Variants in PCDH7 observed in about 807,000 individuals in gnomAD.
The protein encoded by PCDH7 is protocadherin-7.
PCDH7 carries 17 observed loss-of-function variants against 58.9 expected under a neutral mutation model. That is an observed-to-expected ratio of 0.29 (90% CI 0.20 to 0.43). The LOEUF (loss-of-function observed/expected upper bound fraction) is 0.43, where lower values mean the gene tolerates loss of function less well. Among genes scored for constraint, PCDH7 ranks in the 20% least tolerant of loss-of-function variants. The pLI is 1.00. For synonymous variants in PCDH7, 664 were observed against 616.4 expected, an observed-to-expected ratio of 1.08 and a Z score of -1.14; for missense variants, 1,274 against 1,441.0, an observed-to-expected ratio of 0.88 and a Z score of 1.88.
intron 3 of PCDH7, among the ~76,000 whole-genome samples, chr4:31,023,207 C>A (rs1754167298): frequency 6.6e-6 from 1 of 152,184 alleles, no homozygotes; most frequent in South Asian, 2.1e-4. Flanking sequence ...AAAGTACAGT[C>A]TTTGACTCTC....
intron 3 of PCDH7, among the ~76,000 whole-genome samples, chr4:30,970,495 A>G (rs1398036803): frequency 6.6e-6 from 1 of 151,852 alleles, no homozygotes; most frequent in East Asian, 1.9e-4. Flanking sequence ...AGGTTTCACC[A>G]TGTTAAACAG....
chr4:30,818,451 T>C (rs2109319407), intron 1 of PCDH7, among the ~76,000 whole-genome samples: 1 of 152,282 alleles, frequency 6.6e-6, no homozygotes, highest in East Asian at 1.9e-4. Context: ...CTCCATAATA[T>C]GGGACTAGTT....
intron 3 of PCDH7, among the ~76,000 whole-genome samples, chr4:31,093,934 G>T (rs1025524573): frequency 6.6e-6 from 1 of 152,006 alleles, no homozygotes; most frequent in Non-Finnish European, 1.5e-5. Context: ...CTTAATAACT[G>T]GAATTTGTAA....
intron 3 of PCDH7, among the ~76,000 whole-genome samples, chr4:31,003,210 A>G: frequency 6.6e-6 from 1 of 151,938 alleles, no homozygotes; most frequent in African/African-American, 2.4e-5. Context: ...TAACTTTTGG[A>G]TTCTTTCTTC....
chr4:30,929,479 A>G (rs1481898922), intron 2 of PCDH7, among the ~76,000 whole-genome samples: 2 of 152,194 alleles, frequency 1.3e-5, no homozygotes, highest in African/African-American at 4.8e-5. Flanking sequence ...TAAGTTCGTT[A>G]TAAGAATGAG....
intron 3 of PCDH7, among the ~76,000 whole-genome samples, chr4:31,119,881 C>CGT (rs1434156309): frequency 6.6e-6 from 1 of 151,692 alleles, no homozygotes; most frequent in Non-Finnish European, 1.5e-5. Flanking sequence ...CCTCTTAGTG[C>CGT]GTGTGTGTGG....
chr4:30,751,275 A>G (rs1176219707), intron 1 of PCDH7, among the ~76,000 whole-genome samples: 1 of 152,210 alleles, frequency 6.6e-6, no homozygotes, highest in Non-Finnish European at 1.5e-5. Flanking sequence ...GTGCATATTT[A>G]TTTGAGTGAG....
chr4:30,822,332 C>A (rs1728476042), intron 1 of PCDH7, among the ~76,000 whole-genome samples: 1 of 152,128 alleles, frequency 6.6e-6, no homozygotes, highest in Non-Finnish European at 1.5e-5. Flanking sequence ...TATTAGAGTG[C>A]AGGCCAGCGA....
intron 1 of PCDH7, among the ~76,000 whole-genome samples, chr4:30,823,469 A>T (rs990016695): frequency 2.0e-5 from 3 of 152,210 alleles, no homozygotes; most frequent in African/African-American, 4.8e-5. Flanking sequence ...TTTCTGCTAG[A>T]CCTGTCCTTA....
At chr4:30,848,198 CA>C (rs1732241672) in intron 1 of PCDH7, among the ~76,000 whole-genome samples, 1 of 152,068 alleles carries the variant, frequency 6.6e-6, no homozygotes, top group Admixed American at 6.6e-5. Context: ...ATAGCATCGG[CA>C]ATCTGAAATC....
chr4:31,142,570 T>G (rs1265215566), exon 4 of PCDH7: 1 of 1,367,750 alleles, frequency 7.3e-7, no homozygotes, highest in East Asian at 4.6e-5. Flanking sequence ...CGGTCCGCAC[T>G]TCTCCGGAGA....
At chr4:30,850,711 C>T (rs1005075117) in intron 1 of PCDH7, among the ~76,000 whole-genome samples, 25 of 152,168 alleles carry the variant, frequency 1.6e-4, no homozygotes, top group African/African-American at 3.6e-4. Flanking sequence ...CCCTATTCCA[C>T]GGCTGGACAC....
At chr4:31,067,681 C>T (rs951624360) in intron 3 of PCDH7, among the ~76,000 whole-genome samples, 4 of 151,950 alleles carry the variant, frequency 2.6e-5, no homozygotes, top group Admixed American at 6.6e-5. Context: ...TGCTAGGCTT[C>T]CATTATATTA....
intron 3 of PCDH7, among the ~76,000 whole-genome samples, chr4:31,044,508 CATTG>C (rs1756130997): frequency 6.6e-6 from 1 of 151,882 alleles, no homozygotes; most frequent in South Asian, 2.1e-4. Flanking sequence ...TTTCATTTTT[CATTG>C]ATTGACATTT....
Position 30,722,790 on chromosome 4 carries a change from G to T in PCDH7, c.1368G>T (p.Gly456=), listed in dbSNP as rs762015796. 32 of 1,613,506 alleles carry T rather than the reference G, an allele frequency of 2.0e-5. No individual in the cohort carries two copies. The highest frequency in any genetic ancestry group is 1.6e-4 in the Middle Eastern group (1 of 6,084). The change falls in exon 1 of 2, where the codon GGG becomes GGT. Residue 456 remains glycine (G), a synonymous_variant. Coordinates refer to ENST00000361762, the Ensembl canonical transcript of PCDH7. This position sits in a 1 kb window ranked among gnomAD's most constrained non-coding sequence, Gnocchi z 7.6. The stretch of plus-strand genomic sequence containing the variant: ...CCGACCGAGACCAAGGCGAGAACGG[G>T]GTGGTCACCTGCACCGTGGTGGGCG...
At chr4:31,060,509 A>G (rs1757604110) in intron 3 of PCDH7, among the ~76,000 whole-genome samples, 1 of 151,664 alleles carries the variant, frequency 6.6e-6, no homozygotes, top group Non-Finnish European at 1.5e-5. Flanking sequence ...ATGATTTGTT[A>G]TTGGACATCT....
chr4:30,774,350 C>T lies in PCDH7; in HGVS notation c.70+49754C>T, dbSNP rs149843469. Among the ~76,000 whole-genome samples, 695 of 152,186 alleles carry T rather than the reference C, an allele frequency of 4.6e-3. 5 individuals carry two copies. Among genetic ancestry groups the T allele is most frequent in the African/African-American group, 0.016 (649 of 41,518 alleles). ...ACTCCATGCCTCTTAACTCTTAGGC[C>T]TAGCTTTTTAAAGTATTACTAAATA... On this transcript the variant is annotated intron_variant, in intron 1 of 3. Coordinates refer to the PCDH7 transcript ENST00000509759.
intron 1 of PCDH7, among the ~76,000 whole-genome samples, chr4:30,871,486 T>A (rs1333674336): frequency 1.3e-5 from 2 of 152,016 alleles, no homozygotes; most frequent in African/African-American, 4.8e-5. Context: ...GTCACTTGGG[T>A]CTGACTAAGC....
chr4:31,065,539 T>G (rs1282833030), intron 3 of PCDH7, among the ~76,000 whole-genome samples: 1 of 151,870 alleles, frequency 6.6e-6, no homozygotes, highest in African/African-American at 2.4e-5. Flanking sequence ...GGAAAGAAAA[T>G]GTAACATGCA....
Sources: allele counts gnomAD v4.1 joint callset (sites outside exome capture counted in the v4.1 genomes callset), GRCh38; gene constraint gnomAD v4.1.1; non-coding constraint Gnocchi (gnomAD v3.1); transcripts MANE v1.5; gene names NCBI Gene and HGNC (gene_info 2026-07-23, HGNC 2026-07-21).